Variants in BAIAP2 observed in about 807,000 individuals in gnomAD.
BAIAP2 encodes the protein BAR/IMD domain-containing adapter protein 2.
BAIAP2 carries 18 observed loss-of-function variants against 63.0 expected under a neutral mutation model. That is an observed-to-expected ratio of 0.29 (90% CI 0.20 to 0.42). The LOEUF (loss-of-function observed/expected upper bound fraction) is 0.42, where lower values mean the gene tolerates loss of function less well. Among genes scored for constraint, BAIAP2 ranks in the 10% least tolerant of loss-of-function variants. BAIAP2 has a pLI of 1.00. For missense variants in BAIAP2, 610 were observed against 734.3 expected (o/e 0.83, Z 1.96); for synonymous variants, 386 against 307.6 (o/e 1.25, Z -2.67).
At chr17:81,072,333 G>T (rs2052832973) in intron 3 of BAIAP2, among the ~76,000 whole-genome samples, 1 of 152,232 alleles carries the variant, frequency 6.6e-6, no homozygotes, top group South Asian at 2.1e-4. Flanking sequence ...AGCCCGGCCT[G>T]ACCCATGTAA....
chr17:81,093,824 TAGC>T (rs1158898365), intron 6 of BAIAP2, among the ~76,000 whole-genome samples: 1 of 152,168 alleles, frequency 6.6e-6, no homozygotes. Flanking sequence ...GAGAAGATAA[TAGC>T]AGGGCCGGTG....
chr17:81,035,241 C>T lies in BAIAP2; in HGVS notation c.-14C>T, dbSNP rs373396394. 6.6e-6 allele frequency: 10 copies of T among 1,506,864 alleles called. No individual in the cohort carries two copies. In the African/African-American group the frequency reaches 1.0e-4, roughly 15 times the overall value. 93.3% of individuals were successfully genotyped at this position (1,506,864 alleles called of 1,614,324 possible). Reference sequence around the variant, plus strand: ...CCCCCGCTCCGGTCTGTGGTGCAGCCGGGACCCAGGACCATGTCTCTGTCT... The same window carrying T: ...CCCCCGCTCCGGTCTGTGGTGCAGCTGGGACCCAGGACCATGTCTCTGTCT... On this transcript the variant is annotated 5_prime_UTR_variant, in exon 1 of 14. Coordinates refer to ENST00000428708, the MANE Select transcript of BAIAP2 (RefSeq NM_001144888.2).
rs533141296 is a variant in BAIAP2 at position 81,115,759 on chromosome 17, TTC to T, written c.1536-7_1536-6del. On this transcript the variant is annotated splice_polypyrimidine_tract_variant and intron_variant, in intron 13 of 13. Transcript: ENST00000428708. ...CGCCCTAAAAATTAAAACCACGTTT[TTC>T]TCTTTCAGGAATCCCTTTGCCCACG... The T allele has an allele frequency of 6.5e-4, 1,044 of 1,613,420 alleles. No individual in the cohort carries two copies. The highest frequency in any genetic ancestry group is 8.2e-4 in the Non-Finnish European group (971 of 1,180,014).
At chr17:81,084,922 A>AG (rs747967420) in intron 4 of BAIAP2, 29 bp downstream of exon 4, 2 of 1,610,860 alleles carry the variant, frequency 1.2e-6, no homozygotes, top group East Asian at 2.2e-5. Flanking sequence ...TGGCCCTGCG[A>AG]GGAGGGGCAG....
At chr17:81,079,314 T>A (rs2054211639) in intron 3 of BAIAP2, among the ~76,000 whole-genome samples, 2 of 152,148 alleles carry the variant, frequency 1.3e-5, no homozygotes, top group South Asian at 4.1e-4. Context: ...CGGGTTTCAC[T>A]CTTAGCCTGG....
chr17:81,046,754 G>A lies in BAIAP2; in HGVS notation c.55-6914G>A, dbSNP rs72852905. ...CCTAGTCCATGCTGTACATGTGGCCGGGGGTTTCCAGGCTTGGCTCTGTCC... is the reference window on the plus strand; with the variant it reads ...CCTAGTCCATGCTGTACATGTGGCCAGGGGTTTCCAGGCTTGGCTCTGTCC... On this transcript the variant is annotated intron_variant, in intron 1 of 13. Coordinates refer to ENST00000428708, the MANE Select transcript of BAIAP2 (RefSeq NM_001144888.2). This position sits in a 1 kb window ranked among gnomAD's most constrained non-coding sequence, Gnocchi z 4.5. Among the ~76,000 whole-genome samples, 3,307 of 152,096 alleles carry A rather than the reference G, an allele frequency of 0.022. 43 individuals are homozygous for A. Among genetic ancestry groups the A allele is most frequent in the Non-Finnish European group, 0.028 (1,928 of 67,982 alleles).
intron 1 of BAIAP2, chr17:81,037,031 C>A (rs554696867): frequency 3.0e-6 from 4 of 1,324,078 alleles, no homozygotes; most frequent in African/African-American, 2.9e-5. Context: ...CTCTCCTAAC[C>A]GGGCAGTAGG....
In BAIAP2 at chr17:81,085,677, G is replaced by A; in HGVS notation, c.303G>A (p.Leu101=). ...AGCTGAAGTCTTTTCACAACGAGCT[G>A]CTTACGCAGCTGGAGCAGAAGGTGG... ...EEMLKSFHNE[L]LTQLEQKVEL... The change falls in exon 5 of 14, where the codon CTG becomes CTA. Residue 101 remains leucine, a synonymous_variant. Transcript: ENST00000428708. The A allele has an allele frequency of 6.2e-7, 1 of 1,613,852 alleles. No individual in the cohort carries two copies. The highest frequency in any genetic ancestry group is 8.5e-7 in the Non-Finnish European group (1 of 1,180,020).
At chr17:81,070,670 C>G (rs1031181716) in intron 3 of BAIAP2, among the ~76,000 whole-genome samples, 3 of 152,172 alleles carry the variant, frequency 2.0e-5, no homozygotes, top group African/African-American at 4.8e-5. Context: ...CGGGTTAGCT[C>G]AGCCCCCGCA....
At chr17:81,062,370 ACT>A (rs781092150) in intron 3 of BAIAP2, among the ~76,000 whole-genome samples, 3 of 149,654 alleles carry the variant, frequency 2.0e-5, no homozygotes, top group East Asian at 2.0e-4. Flanking sequence ...TGTTATTATG[ACT>A]CTGTGGTATT....
At chr17:81,037,939 C>G (rs1194059273) in intron 1 of BAIAP2, among the ~76,000 whole-genome samples, 2 of 152,266 alleles carry the variant, frequency 1.3e-5, no homozygotes, top group Non-Finnish European at 2.9e-5. Flanking sequence ...TCTGGTGGCT[C>G]CATTCCCTTG....
Position 81,117,344 on chromosome 17 carries a change from C to T in BAIAP2, c.*1505C>T, listed in dbSNP as rs1378444669. 1 of 152,296 alleles carries T rather than the reference C, an allele frequency of 6.6e-6. No homozygotes were observed. The highest frequency in any genetic ancestry group is 2.4e-5 in the African/African-American group (1 of 41,460). The allele number at this position is 152,296 out of a possible 1,614,324, so 9.4% of individuals were successfully genotyped here. On this transcript the variant is annotated 3_prime_UTR_variant, in exon 14 of 14. Transcript: ENST00000428708. The stretch of plus-strand genomic sequence containing the variant: ...TCTTAAAAAACAAGGAACAAGAAAA[C>T]ATTGCACCAGCGTTCTAAGCCTCAA...
At chr17:81,036,877 G>A (rs1354620044) in intron 1 of BAIAP2, 2 of 1,535,812 alleles carry the variant, frequency 1.3e-6, no homozygotes, top group African/African-American at 1.4e-5. Flanking sequence ...TGGAAGAGAA[G>A]TACCAGCGGA....
At chr17:81,091,762 G>T (rs571176788) in intron 6 of BAIAP2, among the ~76,000 whole-genome samples, 1 of 152,354 alleles carries the variant, frequency 6.6e-6, no homozygotes, top group African/African-American at 2.4e-5. Context: ...AGCCAGGGGC[G>T]TGAGTAGCAG....
intron 3 of BAIAP2, among the ~76,000 whole-genome samples, chr17:81,068,860 G>A (rs1456178508): frequency 1.3e-5 from 2 of 152,204 alleles, no homozygotes; most frequent in Non-Finnish European, 2.9e-5. Context: ...AGGTGCCAGT[G>A]GGTTCCCTTG....
chr17:81,099,934 G>A lies in BAIAP2; in HGVS notation c.496G>A (p.Asp166Asn), dbSNP rs761195252. 3 of 1,613,044 alleles carry A rather than the reference G, an allele frequency of 1.9e-6. No homozygotes were observed. Among genetic ancestry groups the A allele is most frequent in the South Asian group, 1.1e-5 (1 of 91,040 alleles). Reference sequence around the variant, plus strand: ...TCTCCCTTTCCCTCCACAGTACATCGACGCCATCAGCAACAAGCAGGGCGA... The same window carrying A: ...TCTCCCTTTCCCTCCACAGTACATCAACGCCATCAGCAACAAGCAGGGCGA... ...KYSDKELQYIDAISNKQGELE... is the reference protein window; with the variant it reads ...KYSDKELQYINAISNKQGELE... The change falls in exon 7 of 14, where the codon GAC becomes AAC. Residue 166 changes from aspartate (D) to asparagine (N), a missense_variant. Asp to Asn is a conservative substitution (Grantham distance 23). Transcript: ENST00000428708.
chr17:81,052,247 C>CT (rs1313443418), intron 1 of BAIAP2, among the ~76,000 whole-genome samples: 1 of 152,246 alleles, frequency 6.6e-6, no homozygotes, highest in African/African-American at 2.4e-5. Flanking sequence ...CCTTCCACGT[C>CT]TCGCTGAGCA....
At chr17:81,109,847 A>G (rs1305200794) in intron 13 of BAIAP2, 2 of 985,254 alleles carry the variant, frequency 2.0e-6, no homozygotes, top group African/African-American at 1.7e-5. Flanking sequence ...TTGTGAGGGC[A>G]TCGATGCTGC....
intron 3 of BAIAP2, among the ~76,000 whole-genome samples, chr17:81,059,125 C>G (rs1473300754): frequency 6.8e-6 from 1 of 147,834 alleles, no homozygotes; most frequent in East Asian, 2.2e-4. Context: ...TCATCGGAGC[C>G]CCCCCCCCAC....
Sources: gnomAD v4.1 joint callset for allele counts (sites outside exome capture counted in the v4.1 genomes callset) on GRCh38, gnomAD v4.1.1 for gene constraint, Gnocchi (gnomAD v3.1) non-coding constraint, MANE v1.5 for transcripts, NCBI Gene and HGNC (gene_info 2026-07-23, HGNC 2026-07-21) for gene names.